Variants in DAB2IP observed in about 807,000 individuals in gnomAD.
DAB2IP encodes the protein disabled homolog 2-interacting protein.
In DAB2IP, 28 loss-of-function variants were observed where a neutral mutation model predicts 107.2. The ratio of observed to expected loss-of-function variants is 0.26; its 90% CI spans 0.19 to 0.36. The LOEUF is 0.36. DAB2IP is among the 10% of genes least tolerant of loss of function. The pLI is 1.00. For missense variants in DAB2IP, 1,400 were observed against 1,644.7 expected, an observed-to-expected ratio of 0.85 and a Z score of 2.57; for synonymous variants, 755 against 706.4, an observed-to-expected ratio of 1.07 and a Z score of -1.09.
rs555869331 is a variant in DAB2IP at position 121,772,366 on chromosome 9, C to T, written c.2079-241C>T. Among the ~76,000 whole-genome samples the T allele has an allele frequency of 3.3e-5, 5 of 152,162 alleles. No homozygotes were observed. The highest frequency in any genetic ancestry group is 2.1e-4 in the South Asian group (1 of 4,820). The stretch of plus-strand genomic sequence containing the variant: ...AACAGGGAAGGGGTCTTCCAGGCAG[C>T]GCGGCCTGAAATGTGCAGTGCTGGC... On this transcript the variant is annotated intron_variant, in intron 11 of 15. Transcript: ENST00000408936. The surrounding 1 kb of genome is among the most constrained non-coding windows in gnomAD (Gnocchi z 4.7).
At position 121,782,844 on chromosome 9, in the gene DAB2IP, T is replaced by G. The variant is rs1835760038; in HGVS notation, c.*346T>G. 2 of 1,093,576 alleles carry G rather than the reference T, an allele frequency of 1.8e-6. No individual in the cohort carries two copies. The highest frequency in any genetic ancestry group is 1.6e-5 in the African/African-American group (1 of 61,094). 67.7% of individuals were successfully genotyped at this position (1,093,576 alleles called of 1,614,324 possible). On this transcript the variant is annotated 3_prime_UTR_variant, in exon 16 of 16. Coordinates refer to ENST00000408936, the Ensembl canonical transcript of DAB2IP. This position sits in a 1 kb window ranked among gnomAD's most constrained non-coding sequence, Gnocchi z 6.1. ...TCCTGGATCTGGCCGAGTGCATGTG[T>G]CCCCCCACACCTGTGCCAGGGAGGG...
intron 3 of DAB2IP, among the ~76,000 whole-genome samples, chr9:121,707,793 G>A (rs1830134621): frequency 6.6e-6 from 1 of 152,330 alleles, no homozygotes; most frequent in Non-Finnish European, 1.5e-5. Flanking sequence ...AGCAGGTGAA[G>A]GATGTGTGAG....
At chr9:121,737,425 G>A (rs1347101812) in intron 3 of DAB2IP, 11 of 985,320 alleles carry the variant, frequency 1.1e-5, no homozygotes, top group African/African-American at 1.0e-4. Flanking sequence ...GATTCAGCAC[G>A]TGCCTTTCGG....
At chr9:121,614,496 A>G (rs1831205185) in intron 1 of DAB2IP, among the ~76,000 whole-genome samples, 1 of 150,018 alleles carries the variant, frequency 6.7e-6, no homozygotes, top group African/African-American at 2.5e-5. Context: ...ATGTGCCACC[A>G]TGCCTGGCTA....
At chr9:121,568,226 G>A (rs532507139) in intron 1 of DAB2IP, among the ~76,000 whole-genome samples, 122 of 152,254 alleles carry the variant, frequency 8.0e-4, no homozygotes, top group African/African-American at 2.9e-3. Flanking sequence ...ACAGATTCAA[G>A]GCCAAATTTC....
chr9:121,676,067 G>A (rs1366909768), intron 1 of DAB2IP, among the ~76,000 whole-genome samples: 2 of 152,236 alleles, frequency 1.3e-5, no homozygotes, highest in African/African-American at 4.8e-5. Flanking sequence ...TGGGAAGGGA[G>A]CTTTTCTGGA....
At position 121,738,620 on chromosome 9, in the gene DAB2IP, C is replaced by T. The variant is rs564231392; in HGVS notation, c.363-18393C>T. Among the ~76,000 whole-genome samples, 3 of 152,340 alleles carry T rather than the reference C, an allele frequency of 2.0e-5. No homozygotes were observed. In the East Asian group the frequency reaches 5.8e-4, roughly 29 times the overall value. On this transcript the variant is annotated intron_variant, in intron 3 of 15. Transcript: ENST00000408936. ...CCAGAGCAGTTAAACGAAACTGCCA[C>T]ATGTGCCTCTGTCTGACCCCAGAAG...
intron 3 of DAB2IP, among the ~76,000 whole-genome samples, chr9:121,719,566 C>T (rs1830810357): frequency 6.6e-6 from 1 of 152,128 alleles, no homozygotes. Context: ...GGGCAGGAGC[C>T]AGCATTAAGG....
chr9:121,781,409 T>C lies in DAB2IP; in HGVS notation c.3315-55T>C. 4 of 1,570,410 alleles carry C rather than the reference T, an allele frequency of 2.5e-6. No individual in the cohort carries two copies. The South Asian group carries it at 3.3e-5, about 13-fold the overall frequency. Reference sequence around the variant, plus strand: ...GGGTGATGGGCTTGTTCTCACACCCTCCCCACCTCTGCTGCCTCCAGGGCC... The same window carrying C: ...GGGTGATGGGCTTGTTCTCACACCCCCCCCACCTCTGCTGCCTCCAGGGCC... On this transcript the variant is annotated intron_variant, in intron 14 of 15. Coordinates refer to ENST00000408936, the Ensembl canonical transcript of DAB2IP.
intron 10 of DAB2IP, among the ~76,000 whole-genome samples, chr9:121,769,377 GCA>G (rs1269273429): frequency 6.6e-6 from 1 of 152,144 alleles, no homozygotes; most frequent in Non-Finnish European, 1.5e-5. Flanking sequence ...ACATGCAGGC[GCA>G]CACACATAGA....
exon 16 of DAB2IP, chr9:121,783,715 CG>C (rs946007119): frequency 8.7e-6 from 8 of 915,300 alleles, no homozygotes; most frequent in Non-Finnish European, 1.4e-5. Context: ...TCACCCTTCC[CG>C]GCCCCCGGCC....
Position 121,599,908 on chromosome 9 carries a change from C to T in DAB2IP, c.40+32680C>T, listed in dbSNP as rs1205359435. Among the ~76,000 whole-genome samples, 1 of 152,130 alleles carries T rather than the reference C, an allele frequency of 6.6e-6. No homozygotes were observed. Among genetic ancestry groups the T allele is most frequent in the East Asian group, 1.9e-4 (1 of 5,172 alleles). ...GACTGAGGAATGGGCGGCGACTTTGCTTTATTTACCCCGCTTTTCCCCTAC... is the reference window on the plus strand; with the variant it reads ...GACTGAGGAATGGGCGGCGACTTTGTTTTATTTACCCCGCTTTTCCCCTAC... On this transcript the variant is annotated intron_variant, in intron 1 of 16. Coordinates refer to the DAB2IP transcript ENST00000259371. This position sits in a 1 kb window ranked among gnomAD's most constrained non-coding sequence, Gnocchi z 6.9.
At chr9:121,628,412 G>A (rs938816671) in intron 1 of DAB2IP, among the ~76,000 whole-genome samples, 39 of 152,226 alleles carry the variant, frequency 2.6e-4, no homozygotes, top group African/African-American at 9.4e-4. Flanking sequence ...ATCTTCTAGC[G>A]AGATCTTCCT....
chr9:121,616,026 C>G (rs1042915976), intron 1 of DAB2IP, among the ~76,000 whole-genome samples: 6 of 152,138 alleles, frequency 3.9e-5, no homozygotes, highest in African/African-American at 1.4e-4. Context: ...GTAACAGGAG[C>G]CTTGGGACCC....
At position 121,599,355 on chromosome 9, in the gene DAB2IP, G is replaced by A. The variant is rs1830611748; in HGVS notation, c.40+32127G>A. ...CGTGTGCTCGGAGCGGAGGGCCTCG[G>A]CTCTGCCCAGTCCGGCCTGGGCGGG... On this transcript the variant is annotated intron_variant, in intron 1 of 16. Transcript: ENST00000259371. The surrounding 1 kb of genome is among the most constrained non-coding windows in gnomAD (Gnocchi z 6.9). Among the ~76,000 whole-genome samples the A allele has an allele frequency of 1.3e-5, 2 of 152,290 alleles. No individual in the cohort carries two copies. Among genetic ancestry groups the A allele is most frequent in the East Asian group, 3.9e-4 (2 of 5,156 alleles).
chr9:121,740,190 G>A (rs965849248), intron 3 of DAB2IP, among the ~76,000 whole-genome samples: 1 of 152,180 alleles, frequency 6.6e-6, no homozygotes, highest in Admixed American at 6.5e-5. Context: ...TGTCCACAGC[G>A]TAGGTTTACC....
intron 1 of DAB2IP, among the ~76,000 whole-genome samples, chr9:121,660,988 C>T (rs1391343739): frequency 6.6e-6 from 1 of 152,068 alleles, no homozygotes; most frequent in Non-Finnish European, 1.5e-5. Context: ...CAGGGGTCGT[C>T]CTTACAGCGA....
Position 121,599,536 on chromosome 9 carries a change from C to A in DAB2IP, c.40+32308C>A, listed in dbSNP as rs924240613. On this transcript the variant is annotated intron_variant, in intron 1 of 16. Coordinates refer to the DAB2IP transcript ENST00000259371. This position sits in a 1 kb window ranked among gnomAD's most constrained non-coding sequence, Gnocchi z 6.9. ...CGGGTGGCCGCGGGAGCCCGGGAGC[C>A]GTAGAGCGGCGGCGCCGGGGGAGGC... is the stretch of plus-strand genomic sequence containing the variant. 2.6e-5 allele frequency among the ~76,000 whole-genome samples: 4 copies of A among 151,832 alleles called. No individual in the cohort carries two copies. The highest frequency in any genetic ancestry group is 6.6e-5 in the Admixed American group (1 of 15,254).
Position 121,651,921 on chromosome 9 carries a change from G to A in DAB2IP, c.124+22G>A. On this transcript the variant is annotated intron_variant, in intron 1 of 15. Coordinates refer to ENST00000408936, the Ensembl canonical transcript of DAB2IP. The surrounding 1 kb of genome is among the most constrained non-coding windows in gnomAD (Gnocchi z 5.1). ...AGGGGTAGGCGCCACCCCGACCCCT[G>A]ACCCCTAGACCCTCCTAAGGCCACT... is the stretch of plus-strand genomic sequence containing the variant. The A allele has an allele frequency of 7.5e-7, 1 of 1,333,314 alleles. No homozygotes were observed. Among genetic ancestry groups the A allele is most frequent in the South Asian group, 1.9e-5 (1 of 53,116 alleles). 82.6% of individuals were successfully genotyped at this position (1,333,314 alleles called of 1,614,324 possible).
Sources: gnomAD v4.1 joint callset for allele counts (sites outside exome capture counted in the v4.1 genomes callset) on GRCh38, gnomAD v4.1.1 for gene constraint, Gnocchi (gnomAD v3.1) non-coding constraint, MANE v1.5 for transcripts, NCBI Gene and HGNC (gene_info 2026-07-23, HGNC 2026-07-21) for gene names.